The following DOCK3 variants were observed in gnomAD, a reference collection of about 807,000 sequenced individuals.
The protein encoded by DOCK3 is dedicator of cytokinesis 3, also known as dedicator of cytokinesis protein 3.
In DOCK3, 60 loss-of-function variants were observed where a neutral mutation model predicts 265.6. The ratio of observed to expected loss-of-function variants is 0.23; its 90% CI spans 0.18 to 0.28. DOCK3 has a LOEUF of 0.28. DOCK3 is among the 10% of genes least tolerant of loss of function. DOCK3 has a pLI of 1.00. For missense variants in DOCK3, 1,981 were observed against 2,594.3 expected (o/e 0.76, Z 5.14); for synonymous variants, 881 against 938.0 (o/e 0.94, Z 1.11).
intron 1 of DOCK3, among the ~76,000 whole-genome samples, chr3:50,728,470 A>G (rs547568955): frequency 2.6e-5 from 4 of 152,280 alleles, no homozygotes; most frequent in Middle Eastern, 3.4e-3. Context: ...GCTGAAATCA[A>G]TTAAAGAGAA....
intron 30 of DOCK3, 51 bp from the exon 31 acceptor site, chr3:51,312,793 C>G (rs2109592566): frequency 6.4e-7 from 1 of 1,562,482 alleles, no homozygotes; most frequent in East Asian, 2.3e-5. Context: ...GCAGCCCTAT[C>G]CTCCTGAACC....
rs951566467 is a variant in DOCK3, at chr3:50,772,874, C to G, written c.38-5801C>G. The stretch of plus-strand genomic sequence containing the variant: ...TGCCCATACTATTTCAAATGATATA[C>G]AGATTCAGTGCAATCCCTGTCAAAG... On this transcript the variant is annotated intron_variant, in intron 1 of 52. Transcript: ENST00000266037. 7.2e-5 allele frequency among the ~76,000 whole-genome samples: 11 copies of G among 151,894 alleles called. No homozygotes were observed. In the South Asian group the frequency reaches 1.7e-3, roughly 23 times the overall value.
At chr3:51,080,217 A>G (rs2082181207) in intron 7 of DOCK3, among the ~76,000 whole-genome samples, 1 of 152,200 alleles carries the variant, frequency 6.6e-6, no homozygotes, top group Non-Finnish European at 1.5e-5. Flanking sequence ...GTTTCTTTCC[A>G]TATTGCTAGA....
At chr3:50,799,268 G>T (rs1396017883) in intron 2 of DOCK3, among the ~76,000 whole-genome samples, 1 of 152,166 alleles carries the variant, frequency 6.6e-6, no homozygotes, top group Non-Finnish European at 1.5e-5. Context: ...TTGGTATTTT[G>T]TTAGGGATTG....
At chr3:51,196,966 G>A (rs1308063274) in intron 12 of DOCK3, among the ~76,000 whole-genome samples, 1 of 152,136 alleles carries the variant, frequency 6.6e-6, no homozygotes, top group Non-Finnish European at 1.5e-5. Context: ...TGAAATCTGT[G>A]TATCTGGAGT....
chr3:50,747,107 T>C (rs2039496325), intron 1 of DOCK3, among the ~76,000 whole-genome samples: 1 of 152,240 alleles, frequency 6.6e-6, no homozygotes, highest in South Asian at 2.1e-4. Flanking sequence ...AAAAATCAAC[T>C]GTCTTTATAT....
chr3:51,165,105 AT>A (rs1176438540), intron 12 of DOCK3, among the ~76,000 whole-genome samples: 2 of 151,928 alleles, frequency 1.3e-5, no homozygotes, highest in Non-Finnish European at 2.9e-5. Context: ...CGCCCGGCTA[AT>A]TTTTGTATTT....
chr3:50,724,684 C>T (rs1203905825), intron 1 of DOCK3, among the ~76,000 whole-genome samples: 2 of 110,202 alleles, frequency 1.8e-5, no homozygotes, highest in African/African-American at 6.9e-5. Flanking sequence ...CGGGGCCTGT[C>T]GGGGGATGGG....
At chr3:51,160,467 A>G in intron 11 of DOCK3, 88 bp from the exon 12 acceptor site, 2 of 1,436,696 alleles carry the variant, frequency 1.4e-6, no homozygotes, top group Non-Finnish European at 9.2e-7. Context: ...AGGTGCCTGT[A>G]GCTCAGGCAT....
At chr3:51,127,673 G>A (rs916627285) in intron 9 of DOCK3, among the ~76,000 whole-genome samples, 1 of 152,174 alleles carries the variant, frequency 6.6e-6, no homozygotes, top group Non-Finnish European at 1.5e-5. Flanking sequence ...TACAGTCCTC[G>A]TTTCTGCAGC....
intron 51 of DOCK3, chr3:51,379,543 C>T: frequency 4.1e-6 from 4 of 985,474 alleles, no homozygotes; most frequent in African/African-American, 1.7e-5. Flanking sequence ...TCCTGGCCCC[C>T]CCAGTGCCTC....
rs949134307 is a variant in DOCK3 at position 51,066,449 on chromosome 3, C to T, written c.464+1853C>T. 3.3e-5 allele frequency among the ~76,000 whole-genome samples: 5 copies of T among 152,188 alleles called. No individual in the cohort carries two copies. The South Asian group carries it at 6.2e-4, about 19-fold the overall frequency. On this transcript the variant is annotated intron_variant, in intron 6 of 52. Coordinates refer to ENST00000266037, the MANE Select transcript of DOCK3 (RefSeq NM_004947.5). The stretch of plus-strand genomic sequence containing the variant: ...ACAAAAGAATAAGTATCATACTGTC[C>T]TCAAAAGTGTTATCATTAGCACTGG...
chr3:50,758,577 A>G (rs2040339662), intron 1 of DOCK3, among the ~76,000 whole-genome samples: 1 of 152,202 alleles, frequency 6.6e-6, no homozygotes, highest in African/African-American at 2.4e-5. Context: ...CATCAAGTAC[A>G]TACATACTGT....
intron 4 of DOCK3, among the ~76,000 whole-genome samples, chr3:50,892,099 A>T (rs966783380): frequency 3.9e-5 from 6 of 152,152 alleles, no homozygotes; most frequent in Admixed American, 3.3e-4. Flanking sequence ...GAAAATATTA[A>T]AAAACAATTG....
intron 9 of DOCK3, among the ~76,000 whole-genome samples, chr3:51,101,411 C>T (rs569597631): frequency 7.9e-5 from 12 of 152,292 alleles, no homozygotes; most frequent in East Asian, 3.9e-4. Context: ...TGAGCCACCG[C>T]GCCCGGCCTC....
In DOCK3 at chr3:51,381,697, G is replaced by C; in HGVS notation, c.*138G>C. On this transcript the variant is annotated 3_prime_UTR_variant, in exon 53 of 53. Coordinates refer to ENST00000266037, the MANE Select transcript of DOCK3 (RefSeq NM_004947.5). The surrounding 1 kb of genome is among the most constrained non-coding windows in gnomAD (Gnocchi z 5.6). The stretch of plus-strand genomic sequence containing the variant: ...AGGAGAGAACCACCCCCAAGTCTCC[G>C]TTCTACTGCCGTGAACTCATGTGTT... The C allele has an allele frequency of 1.6e-6, 2 of 1,227,654 alleles. No homozygotes were observed. Among genetic ancestry groups the C allele is most frequent in the Middle Eastern group, 2.8e-4 (1 of 3,510 alleles). The allele number at this position is 1,227,654 out of a possible 1,614,324, so 76.0% of individuals were successfully genotyped here. A position where few individuals can be genotyped will look rare whatever the true frequency, so the allele number is the denominator to read the frequency against.
chr3:51,097,365 T>C (rs2082899755), intron 9 of DOCK3, among the ~76,000 whole-genome samples: 1 of 152,168 alleles, frequency 6.6e-6, no homozygotes, highest in Non-Finnish European at 1.5e-5. Flanking sequence ...CGCAGTGGGC[T>C]CCACCCAGTT....
intron 38 of DOCK3, among the ~76,000 whole-genome samples, chr3:51,345,847 T>C (rs1337195128): frequency 6.6e-6 from 1 of 152,204 alleles, no homozygotes; most frequent in Non-Finnish European, 1.5e-5. Flanking sequence ...CTTACAAATA[T>C]AGTCCTTATG....
intron 4 of DOCK3, among the ~76,000 whole-genome samples, chr3:50,922,002 A>G (rs1045192163): frequency 5.3e-5 from 8 of 152,178 alleles, no homozygotes; most frequent in African/African-American, 1.7e-4. Flanking sequence ...ACTCAGCGGT[A>G]AAGGACCCAC....
Sources: allele counts gnomAD v4.1 joint callset (sites outside exome capture counted in the v4.1 genomes callset), GRCh38; gene constraint gnomAD v4.1.1; non-coding constraint Gnocchi (gnomAD v3.1); transcripts MANE v1.5; gene names NCBI Gene and HGNC (gene_info 2026-07-23, HGNC 2026-07-21).